Variants in GRM1 observed in about 807,000 individuals in gnomAD.
The protein encoded by GRM1 is metabotropic glutamate receptor 1.
A neutral mutation model predicts 90.9 loss-of-function variants in GRM1; 33 were observed. That is an observed-to-expected ratio of 0.36 (90% CI 0.28 to 0.49). The LOEUF is 0.49. Ranked by LOEUF, GRM1 falls within the 20% of genes least tolerant of loss-of-function variation. The pLI, the probability that GRM1 is intolerant of heterozygous loss-of-function variation, is 0.99. For synonymous variants in GRM1, 700 were observed against 613.2 expected (o/e 1.14, Z -2.09); for missense variants, 1,190 against 1,534.3 (o/e 0.78, Z 3.75).
At chr6:146,137,269 T>C (rs1467086802) in intron 1 of GRM1, among the ~76,000 whole-genome samples, 1 of 152,180 alleles carries the variant, frequency 6.6e-6, no homozygotes, top group Non-Finnish European at 1.5e-5. Context: ...GTTTCCTCGA[T>C]GTTTTATTTT....
chr6:146,212,140 C>G (rs564445762), intron 2 of GRM1, among the ~76,000 whole-genome samples: 1 of 152,274 alleles, frequency 6.6e-6, no homozygotes, highest in East Asian at 1.9e-4. Context: ...AGGAGAATTC[C>G]CTTACTAGAA....
intron 2 of GRM1, among the ~76,000 whole-genome samples, chr6:146,167,209 G>A (rs1777941228): frequency 3.9e-5 from 6 of 152,064 alleles, no homozygotes; most frequent in Admixed American, 3.9e-4. Flanking sequence ...ATGCTGTTGG[G>A]CATATTACTA....
chr6:146,331,116 C>A lies in GRM1; in HGVS notation c.1187-21134C>A, dbSNP rs191531726. ...AGAGTGCCCTGCAGCCTTCTTGTAT[C>A]ATCAGGGAAGGAGTCTCAGAAGAGC... On this transcript the variant is annotated intron_variant, in intron 3 of 7. Coordinates refer to ENST00000282753, the MANE Select transcript of GRM1 (RefSeq NM_001278064.2). 5.3e-3 allele frequency among the ~76,000 whole-genome samples: 807 copies of A among 152,262 alleles called. 9 individuals carry two copies. Among genetic ancestry groups the A allele is most frequent in the African/African-American group, 0.019 (772 of 41,562 alleles).
chr6:146,420,954 A>G (rs1033373297), intron 7 of GRM1, among the ~76,000 whole-genome samples: 6 of 152,160 alleles, frequency 3.9e-5, no homozygotes, highest in African/African-American at 1.4e-4. Context: ...CAGAGGAAAG[A>G]CTGATGGGAT....
intron 3 of GRM1, among the ~76,000 whole-genome samples, chr6:146,320,299 T>C (rs1784127976): frequency 6.6e-6 from 1 of 152,232 alleles, no homozygotes; most frequent in Admixed American, 6.5e-5. Flanking sequence ...CAGCCTTGCA[T>C]ACCAGGGATG....
At chr6:146,379,606 A>G (rs1024803592) in intron 5 of GRM1, among the ~76,000 whole-genome samples, 1 of 152,088 alleles carries the variant, frequency 6.6e-6, no homozygotes, top group East Asian at 1.9e-4. Context: ...TAGTGAGGTC[A>G]TGTTTTCCTG....
chr6:146,235,517 T>A (rs1780610838), intron 2 of GRM1, among the ~76,000 whole-genome samples: 1 of 152,164 alleles, frequency 6.6e-6, no homozygotes, highest in African/African-American at 2.4e-5. Flanking sequence ...CTCCAAGATT[T>A]CAATTATGCA....
At chr6:146,358,670 G>A (rs1775329618) in intron 5 of GRM1, among the ~76,000 whole-genome samples, 1 of 152,122 alleles carries the variant, frequency 6.6e-6, no homozygotes, top group Admixed American at 6.6e-5. Flanking sequence ...TCACTGAAGG[G>A]TCCCCAGGGC....
chr6:146,043,786 T>TATATATATATATATATATATATATATAC, intron 1 of GRM1, among the ~76,000 whole-genome samples: 1 of 116,016 alleles, frequency 8.6e-6, no homozygotes, highest in Non-Finnish European at 1.7e-5. Context: ...TCAGGTGATA[T>TATATATATATATATATATATATATATAC]ATATATATAT....
chr6:146,043,918 G>T (rs1467571701), intron 1 of GRM1, among the ~76,000 whole-genome samples: 5 of 151,272 alleles, frequency 3.3e-5, no homozygotes, highest in Non-Finnish European at 7.4e-5. Context: ...TGTGGAAACT[G>T]GAGGTATCTT....
Position 146,047,302 on chromosome 6 carries a change from CTTGTAGCAT to C in GRM1, c.700+17090_700+17098del, listed in dbSNP as rs201534675. 1.6e-3 allele frequency among the ~76,000 whole-genome samples: 199 copies of C among 126,266 alleles called. 1 individual carries two copies. Among genetic ancestry groups the C allele is most frequent in the African/African-American group, 5.2e-3 (192 of 36,584 alleles). 82.8% of individuals were successfully genotyped at this position (126,266 alleles called of 152,430 possible). On this transcript the variant is annotated intron_variant, in intron 1 of 7. Transcript: ENST00000282753. ...TCATTTTTCGGGTTCTTTTTTCCTC[CTTGTAGCAT>C]TTGTGTTAGAAAGCGACACCTTTGC...
chr6:146,052,266 T>C (rs1416357470), intron 1 of GRM1, among the ~76,000 whole-genome samples: 1 of 152,110 alleles, frequency 6.6e-6, no homozygotes. Flanking sequence ...TAGTCATTTA[T>C]GGGCCATAAA....
intron 2 of GRM1, among the ~76,000 whole-genome samples, chr6:146,219,810 A>AG (rs1779995606): frequency 1.3e-5 from 2 of 152,134 alleles, no homozygotes; most frequent in Non-Finnish European, 2.9e-5. Flanking sequence ...GGGAAGAATA[A>AG]AGCTAAGAGT....
At chr6:146,418,162 A>G (rs1387479944) in intron 7 of GRM1, among the ~76,000 whole-genome samples, 1 of 152,052 alleles carries the variant, frequency 6.6e-6, no homozygotes, top group Non-Finnish European at 1.5e-5. Flanking sequence ...AAATTCTGTC[A>G]TTTACATTTG....
chr6:146,371,356 A>G (rs762854318), intron 5 of GRM1, among the ~76,000 whole-genome samples: 93 of 152,084 alleles, frequency 6.1e-4, no homozygotes, highest in Middle Eastern at 3.4e-3. Flanking sequence ...CATAGTAGGT[A>G]TATATATTTA....
At chr6:146,061,805 A>T (rs2128854301) in intron 1 of GRM1, among the ~76,000 whole-genome samples, 1 of 152,262 alleles carries the variant, frequency 6.6e-6, no homozygotes, top group Middle Eastern at 3.4e-3. Flanking sequence ...ATACCATCTC[A>T]TGCCAGTTAG....
chr6:146,185,159 C>T (rs1778686812), intron 2 of GRM1, among the ~76,000 whole-genome samples: 1 of 152,160 alleles, frequency 6.6e-6, no homozygotes, highest in South Asian at 2.1e-4. Context: ...TATGCAGTAG[C>T]CTTAATACCA....
rs182490771 is a variant in GRM1 at position 146,188,039 on chromosome 6, A to G, written c.950+28442A>G. 6.6e-5 allele frequency among the ~76,000 whole-genome samples: 10 copies of G among 152,264 alleles called. No individual in the cohort carries two copies. In the East Asian group the frequency reaches 1.5e-3, roughly 23 times the overall value. On this transcript the variant is annotated intron_variant, in intron 2 of 7. Coordinates refer to ENST00000282753, the MANE Select transcript of GRM1 (RefSeq NM_001278064.2). Reference sequence around the variant, plus strand: ...TTTAAAACTAAGGTTCATTATGTTTATCTCTGCACATAATTATCACAGTCA... The same window carrying G: ...TTTAAAACTAAGGTTCATTATGTTTGTCTCTGCACATAATTATCACAGTCA...
chr6:146,420,330 A>G (rs1278204263), intron 7 of GRM1, among the ~76,000 whole-genome samples: 1 of 152,254 alleles, frequency 6.6e-6, no homozygotes, highest in Non-Finnish European at 1.5e-5. Context: ...ATCTAAATAG[A>G]AAAATCTTTA....
Sources: allele counts gnomAD v4.1 joint callset (sites outside exome capture counted in the v4.1 genomes callset), GRCh38; gene constraint gnomAD v4.1.1; transcripts MANE v1.5; gene names NCBI Gene and HGNC (gene_info 2026-07-23, HGNC 2026-07-21).